SLC35E1: variants seen among roughly 807,000 people sequenced by gnomAD.
SLC35E1 encodes solute carrier family 35 member E1, also known as solute carrier family 35, member E1.
In SLC35E1, 12 loss-of-function variants were observed where a neutral mutation model predicts 31.0. That is an observed-to-expected ratio of 0.39 (90% CI 0.25 to 0.63). The LOEUF (loss-of-function observed/expected upper bound fraction) is 0.63, where lower values mean the gene tolerates loss of function less well. Ranked by LOEUF, SLC35E1 falls within the 20% of genes least tolerant of loss-of-function variation. SLC35E1 has a pLI of 0.52. For missense variants in SLC35E1, 429 were observed against 572.2 expected (o/e 0.75, Z 2.55); for synonymous variants, 257 against 264.1 (o/e 0.97, Z 0.26).
intron 3 of SLC35E1, 101 bp downstream of exon 3, chr19:16,567,931 T>C (rs1175436073): frequency 4.2e-6 from 6 of 1,427,562 alleles, no homozygotes; most frequent in Non-Finnish European, 3.7e-6. Flanking sequence ...TCTGCTCTAA[T>C]AGCAAAGAAA....
chr19:16,566,348 A>AC lies in SLC35E1; in HGVS notation c.756+183dup, dbSNP rs1204306947. The stretch of plus-strand genomic sequence containing the variant: ...CACCAGAGAAGGAAATACACAGGAA[A>AC]CCCACTTCCTCGATGGCGTGCATCG... On this transcript the variant is annotated intron_variant, in intron 4 of 5. Transcript: ENST00000595753. 56 of 733,056 alleles carry AC rather than the reference A, an allele frequency of 7.6e-5. No individual in the cohort carries two copies. The East Asian group carries it at 1.6e-3, about 21-fold the overall frequency. The allele number at this position is 733,056 out of a possible 1,614,324, so 45.4% of individuals were successfully genotyped here.
At chr19:16,561,818 T>A (rs575445204) in intron 4 of SLC35E1, among the ~76,000 whole-genome samples, 1 of 152,344 alleles carries the variant, frequency 6.6e-6, no homozygotes, top group Admixed American at 6.5e-5. Context: ...GGGAACCCCA[T>A]CTTCAGACTG....
At chr19:16,567,175 G>A (rs1478735798) in intron 3 of SLC35E1, among the ~76,000 whole-genome samples, 1 of 152,156 alleles carries the variant, frequency 6.6e-6, no homozygotes, top group East Asian at 1.9e-4. Flanking sequence ...ATTATCACAG[G>A]AGTTAAGAGC....
intron 2 of SLC35E1, 81 bp from the exon 3 acceptor site, chr19:16,568,250 C>G: frequency 1.4e-6 from 2 of 1,470,464 alleles, no homozygotes; most frequent in Non-Finnish European, 1.8e-6. Flanking sequence ...GGGAAGAGCC[C>G]CTCTCCTCCC....
At chr19:16,571,611 G>T (rs770777773) in intron 1 of SLC35E1, 29 bp from the exon 2 acceptor site, 5 of 1,612,042 alleles carry the variant, frequency 3.1e-6, no homozygotes, top group Non-Finnish European at 4.2e-6. Context: ...GCACTCAGGG[G>T]GCTGCCTGAA....
intron 4 of SLC35E1, among the ~76,000 whole-genome samples, chr19:16,557,959 G>C (rs1253672156): frequency 6.6e-6 from 1 of 151,810 alleles, no homozygotes; most frequent in African/African-American, 2.4e-5. Flanking sequence ...GACTACAGGC[G>C]CCCGCCACCA....
At position 16,555,387 on chromosome 19, in the gene SLC35E1, T is replaced by C. The variant is rs146779841; in HGVS notation, c.767A>G (p.Tyr256Cys). The C allele has an allele frequency of 1.9e-6, 3 of 1,613,540 alleles. No individual in the cohort carries two copies. Among genetic ancestry groups the C allele is most frequent in the Non-Finnish European group, 1.7e-6 (2 of 1,180,026 alleles). ...FLVSSDLTYV[Y>C]QWPWTLLLLA... ...GAGCAGGAGCGTCCAGGGCCACTGG[T>C]AGACGTAGGTCTGCAGAGACCGGAA... is the stretch of plus-strand genomic sequence containing the variant. Residue 256 changes from tyrosine to cysteine, a missense_variant, in exon 5 of 6, where the codon TAC (tyrosine) becomes TGC (cysteine). By Grantham distance (194) the Tyr-to-Cys change is radical (BLOSUM62 -2). Coordinates refer to ENST00000595753, the MANE Select transcript of SLC35E1 (RefSeq NM_024881.5). The surrounding 1 kb of genome is among the most constrained non-coding windows in gnomAD (Gnocchi z 4.1).
At position 16,549,854 on chromosome 19, in the gene SLC35E1, T is replaced by A. The variant is rs766396775; in HGVS notation, c.*3825A>T. On this transcript the variant is annotated 3_prime_UTR_variant, in exon 6 of 6. Coordinates refer to ENST00000595753, the MANE Select transcript of SLC35E1 (RefSeq NM_024881.5). ...AATTTTGATTCCCTGGAAACCATCA[T>A]TTATTTTTGGTAAATGCCAGTGAGG... 2.0e-5 allele frequency: 3 copies of A among 152,192 alleles called. No individual in the cohort carries two copies. Among genetic ancestry groups the A allele is most frequent in the Non-Finnish European group, 2.9e-5 (2 of 68,038 alleles). The allele number at this position is 152,192 out of a possible 1,614,324, so 9.4% of individuals were successfully genotyped here. A position where few individuals can be genotyped will look rare whatever the true frequency, so the allele number is the denominator to read the frequency against.
intron 3 of SLC35E1, among the ~76,000 whole-genome samples, chr19:16,567,681 T>G (rs1270681869): frequency 6.6e-6 from 1 of 152,102 alleles, no homozygotes; most frequent in Non-Finnish European, 1.5e-5. Context: ...TGTGCCTCAG[T>G]GTCTGGAGTA....
chr19:16,567,300 T>G (rs1297295125), intron 3 of SLC35E1, among the ~76,000 whole-genome samples: 1 of 151,238 alleles, frequency 6.6e-6, no homozygotes, highest in African/African-American at 2.4e-5. Flanking sequence ...GGATTATAGA[T>G]GTGAGCCACT....
rs1440088763 is a variant in SLC35E1, at chr19:16,572,160, G to C, written c.205C>G (p.Leu69Val). The C allele has an allele frequency of 6.5e-7, 1 of 1,527,080 alleles. No individual in the cohort carries two copies. Among genetic ancestry groups the C allele is most frequent in the Non-Finnish European group, 8.8e-7 (1 of 1,136,842 alleles). 94.6% of individuals were successfully genotyped at this position (1,527,080 alleles called of 1,614,324 possible). The stretch of plus-strand genomic sequence containing the variant: ...AGCAGCGGCGGGAGCCCAGCGCACA[G>C]AGCCAGGATGTGGCACAGCGACACG... The part of the protein sequence containing the change: ...VTVSLCHILA[L>V]CAGLPPLLRA... Residue 69 changes from leucine (L) to valine (V), a missense_variant, in exon 1 of 6, where the codon CTG becomes GTG. Coordinates refer to ENST00000595753, the MANE Select transcript of SLC35E1 (RefSeq NM_024881.5). This position sits in a 1 kb window ranked among gnomAD's most constrained non-coding sequence, Gnocchi z 4.1.
At position 16,555,357 on chromosome 19, in the gene SLC35E1, G is replaced by A; in HGVS notation, c.797C>T (p.Ala266Val). Residue 266 changes from alanine to valine, a missense_variant, in exon 5 of 6, where the codon GCT becomes GTT. Ala to Val is a moderately conservative substitution (Grantham distance 64). Coordinates refer to ENST00000595753, the MANE Select transcript of SLC35E1 (RefSeq NM_024881.5). The surrounding 1 kb of genome is among the most constrained non-coding windows in gnomAD (Gnocchi z 4.1). ...GGCAAAGTTACAGAAGCCGCTGACAGCCAGGAGCAGGAGCGTCCAGGGCCA... is the reference window on the plus strand; with the variant it reads ...GGCAAAGTTACAGAAGCCGCTGACAACCAGGAGCAGGAGCGTCCAGGGCCA... ...YQWPWTLLLL[A>V]VSGFCNFAQN... 1 of 1,614,092 alleles carries A rather than the reference G, an allele frequency of 6.2e-7. No homozygotes were observed. The highest frequency in any genetic ancestry group is 8.5e-7 in the Non-Finnish European group (1 of 1,180,042).
chr19:16,555,106 G>A lies in SLC35E1; in HGVS notation c.1002+46C>T. 6.2e-7 allele frequency: 1 copy of A among 1,611,036 alleles called. No individual in the cohort carries two copies. Among genetic ancestry groups the A allele is most frequent in the African/African-American group, 1.3e-5 (1 of 74,932 alleles). On this transcript the variant is annotated intron_variant, in intron 5 of 5. Coordinates refer to ENST00000595753, the MANE Select transcript of SLC35E1 (RefSeq NM_024881.5). This position sits in a 1 kb window ranked among gnomAD's most constrained non-coding sequence, Gnocchi z 4.1. ...CCCTTCCTTTTCTGACTTCCTGGGT[G>A]TTGGGGGGCCGGCTTCCTTCCCTGC...
chr19:16,555,160 A>G lies in SLC35E1; in HGVS notation c.994T>C (p.Tyr332His). ...GCCTCTCAGACTCTCACCTTGTTAT[A>G]GAGGAAGACCCCCAGGATGGCGGTC... ...MMTAILGVFL[Y>H]NKTKYDANQQ... is the part of the protein sequence containing the mutation. The change falls in exon 5 of 6, where the codon TAT becomes CAT. Residue 332 changes from tyrosine (Y) to histidine (H), a missense_variant. Transcript: ENST00000595753. This position sits in a 1 kb window ranked among gnomAD's most constrained non-coding sequence, Gnocchi z 4.1. The G allele has an allele frequency of 1.2e-6, 2 of 1,614,062 alleles. No homozygotes were observed. Among genetic ancestry groups the G allele is most frequent in the Non-Finnish European group, 1.7e-6 (2 of 1,180,032 alleles).
intron 4 of SLC35E1, among the ~76,000 whole-genome samples, chr19:16,560,879 ACC>A (rs145207566): frequency 8.0e-5 from 9 of 112,362 alleles, no homozygotes; most frequent in East Asian, 2.3e-4. Context: ...AAAAAAAAAA[ACC>A]AAAAAAAAAA....
At chr19:16,563,256 G>A (rs1431703937) in intron 4 of SLC35E1, among the ~76,000 whole-genome samples, 2 of 151,314 alleles carry the variant, frequency 1.3e-5, no homozygotes, top group African/African-American at 4.9e-5. Flanking sequence ...TCCGGGAGGC[G>A]GAGGCTGCAG....
intron 4 of SLC35E1, among the ~76,000 whole-genome samples, chr19:16,559,226 G>C (rs988591217): frequency 6.6e-6 from 1 of 152,008 alleles, no homozygotes; most frequent in African/African-American, 2.4e-5. Flanking sequence ...TGAGGTAGGA[G>C]AATCACTTGA....
In SLC35E1 at chr19:16,564,643, T is replaced by C. The variant is rs376470866; in HGVS notation, c.756+1889A>G. Among the ~76,000 whole-genome samples the C allele has an allele frequency of 5.3e-5, 8 of 152,228 alleles. No individual in the cohort carries two copies. The East Asian group carries it at 9.6e-4, about 18-fold the overall frequency. On this transcript the variant is annotated intron_variant, in intron 4 of 5. Transcript: ENST00000595753. ...TTTGACTAGGAAAACGAATAATTCA[T>C]GCAACTGACAAACACATAAAAGTTC...
intron 4 of SLC35E1, chr19:16,566,252 G>A: frequency 2.5e-6 from 1 of 399,798 alleles, no homozygotes; most frequent in Non-Finnish European, 4.6e-6. Flanking sequence ...GTCAGGAGGT[G>A]AAAGAGTCAC....
Sources: allele counts gnomAD v4.1 joint callset (sites outside exome capture counted in the v4.1 genomes callset), GRCh38; gene constraint gnomAD v4.1.1; non-coding constraint Gnocchi (gnomAD v3.1); transcripts MANE v1.5; gene names NCBI Gene and HGNC (gene_info 2026-07-23, HGNC 2026-07-21).